Variants in PKP3 observed in about 807,000 individuals in gnomAD.
PKP3 encodes plakophilin 3.
A neutral mutation model predicts 76.5 loss-of-function variants in PKP3; 66 were observed. That is an observed-to-expected ratio of 0.86 (90% confidence interval 0.71 to 1.06). The LOEUF is 1.06. Among genes scored for constraint, PKP3 ranks in the 50% least tolerant of loss-of-function variants. The pLI is 0.00. For synonymous variants in PKP3, 638 were observed against 516.5 expected (o/e 1.24, Z -3.19); for missense variants, 1,338 against 1,141.0 (o/e 1.17, Z -2.49).
rs200371913 is a variant in PKP3 at position 397,331 on chromosome 11, G to C, written c.830G>C (p.Arg277Pro). 84,043 of 1,571,554 alleles carry C rather than the reference G, an allele frequency of 0.053. 2,511 individuals are homozygous for C. Among genetic ancestry groups the C allele is most frequent in the Middle Eastern group, 0.075 (410 of 5,434 alleles). The change falls in exon 3 of 13, where the codon CGA becomes CCA. Residue 277 changes from arginine (R) to proline (P), a missense_variant. Coordinates refer to ENST00000331563, the MANE Select transcript of PKP3 (RefSeq NM_007183.4). ...VPGAVLEPVA[R>P]APSVRSLSLS... is the part of the protein sequence containing the mutation. ...GGGGCCGTCCTGGAGCCAGTGGCTCGAGCGCCATCTGTGCGCAGCCTCAGC... is the reference window on the plus strand; with the variant it reads ...GGGGCCGTCCTGGAGCCAGTGGCTCCAGCGCCATCTGTGCGCAGCCTCAGC...
upstream of PKP3, chr11:392,631 G>A: frequency 7.8e-7 from 1 of 1,286,240 alleles, no homozygotes; most frequent in South Asian, 1.2e-5. Flanking sequence ...GCCAGGGATG[G>A]AGTCCTGGAC....
chr11:404,671 G>T lies in PKP3; in HGVS notation c.*102G>T. On this transcript the variant is annotated 3_prime_UTR_variant, in exon 13 of 13. Coordinates refer to ENST00000331563, the MANE Select transcript of PKP3 (RefSeq NM_007183.4). This position sits in a 1 kb window ranked among gnomAD's most constrained non-coding sequence, Gnocchi z 4.2. ...CAGCCTGGAGGAGAAGGCTAATGAC[G>T]GAGGGGCCCCTCGCTGGGGCCCCTG... The T allele has an allele frequency of 8.3e-7, 1 of 1,209,140 alleles. No homozygotes were observed. Among genetic ancestry groups the T allele is most frequent in the Non-Finnish European group, 1.2e-6 (1 of 829,804 alleles). The allele number at this position is 1,209,140 out of a possible 1,614,324, so 74.9% of individuals were successfully genotyped here. A position where few individuals can be genotyped will look rare whatever the true frequency, so the allele number is the denominator to read the frequency against.
upstream of PKP3, chr11:392,667 G>A (rs1420652074): frequency 7.8e-7 from 1 of 1,286,978 alleles, no homozygotes. Context: ...AGTGGCCTCT[G>A]GGATGAGCTG....
At chr11:398,146 C>T (rs1295828525) in intron 4 of PKP3, among the ~76,000 whole-genome samples, 2 of 75,364 alleles carry the variant, frequency 2.7e-5, no homozygotes, top group African/African-American at 1.2e-4. Context: ...TACCTCATCA[C>T]CTCCGTACAC....
At chr11:394,716 C>A (rs1297156961) in intron 1 of PKP3, among the ~76,000 whole-genome samples, 192 bp downstream of exon 1, 1 of 152,216 alleles carries the variant, frequency 6.6e-6, no homozygotes, top group Non-Finnish European at 1.5e-5. Context: ...AGCAGGGACC[C>A]CGGGGTCCTC....
upstream of PKP3, chr11:394,000 C>T (rs1469744296): frequency 1.0e-5 from 4 of 385,026 alleles, no homozygotes; most frequent in Non-Finnish European, 1.4e-5. Flanking sequence ...TCCCCGTGGC[C>T]CTGTTGTGGG....
At position 404,272 on chromosome 11, in the gene PKP3, C is replaced by T. The variant is rs1447136826; in HGVS notation, c.2307C>T (p.Ser769=). The T allele has an allele frequency of 2.5e-6, 4 of 1,612,682 alleles. No homozygotes were observed. The highest frequency in any genetic ancestry group is 2.2e-5 in the East Asian group (1 of 44,882). Residue 769 remains serine, a synonymous_variant, in exon 12 of 13, where the codon AGC becomes AGT. Transcript: ENST00000331563. This position sits in a 1 kb window ranked among gnomAD's most constrained non-coding sequence, Gnocchi z 4.2. ...AGAAGTCCTCCCGGGCAGCATCCAG[C>T]CTCCTGGCCAACCTGTGGCAGTACA... ...DSEKSSRAAS[S]LLANLWQYNK...
At position 404,173 on chromosome 11, in the gene PKP3, G is replaced by A. The variant is rs752189752; in HGVS notation, c.2270+38G>A. On this transcript the variant is annotated intron_variant, in intron 11 of 12. Transcript: ENST00000331563. This position sits in a 1 kb window ranked among gnomAD's most constrained non-coding sequence, Gnocchi z 4.2. ...CCAGCCGTGCAGCAGCCTGGTCAGG[G>A]GTCCTCCCAGTCCACCCTGCTTTCT... The A allele has an allele frequency of 3.7e-6, 6 of 1,608,250 alleles. No individual in the cohort carries two copies. The highest frequency in any genetic ancestry group is 1.7e-5 in the Admixed American group (1 of 59,886).
In PKP3 at chr11:394,349, C is replaced by G. The variant is rs1317632182; in HGVS notation, c.57C>G (p.Ser19=). Residue 19 remains serine, a synonymous_variant, in exon 1 of 13, where the codon TCC becomes TCG. Coordinates refer to ENST00000331563, the MANE Select transcript of PKP3 (RefSeq NM_007183.4). The stretch of plus-strand genomic sequence containing the variant: ...TGCAGCCTGAGGCCGGCGTGTGCTC[C>G]CTGGCGCTGCCCTCTGACCTGCAGC... The part of the protein sequence containing the change: ...SALQPEAGVC[S]LALPSDLQLD... The G allele has an allele frequency of 2.0e-6, 3 of 1,513,478 alleles. No homozygotes were observed. In the South Asian group the frequency reaches 3.6e-5, roughly 18 times the overall value. 93.8% of individuals were successfully genotyped at this position (1,513,478 alleles called of 1,614,324 possible).
intron 9 of PKP3, 68 bp downstream of exon 9, chr11:403,331 G>A (rs1847190372): frequency 1.6e-6 from 2 of 1,266,204 alleles, no homozygotes; most frequent in South Asian, 2.7e-5. Context: ...GACAGAGGAG[G>A]GAGAGGGAGG....
Position 400,800 on chromosome 11 carries a change from C to A in PKP3, c.1737+95C>A, listed in dbSNP as rs1195497474. On this transcript the variant is annotated intron_variant, in intron 8 of 12. Transcript: ENST00000331563. Reference sequence around the variant, plus strand: ...CACCCCCGCCCCGCTCACCCCCGCCCCGCTCACCCCGCCCCGCTCACCCCG... The same window carrying A: ...CACCCCCGCCCCGCTCACCCCCGCCACGCTCACCCCGCCCCGCTCACCCCG... 1.0e-4 allele frequency: 58 copies of A among 565,328 alleles called. 1 individual carries two copies. The highest frequency in any genetic ancestry group is 1.3e-4 in the Non-Finnish European group (57 of 427,486). 35.0% of individuals were successfully genotyped at this position (565,328 alleles called of 1,614,324 possible).
chr11:403,368 C>T (rs1047320708), intron 9 of PKP3, 105 bp downstream of exon 9: 17 of 1,029,072 alleles, frequency 1.7e-5, no homozygotes, highest in South Asian at 3.3e-5. Context: ...GCCCAGGGTC[C>T]GCGGAGCCTC....
At position 395,470 on chromosome 11, in the gene PKP3, G is replaced by A. The variant is rs1443380728; in HGVS notation, c.232+946G>A. The stretch of plus-strand genomic sequence containing the variant: ...CCTCAGCCTTGCTGGTGACCAAGTC[G>A]GGTGCCCAGGGGTCATGGGGTGGAG... On this transcript the variant is annotated intron_variant, in intron 1 of 12. Coordinates refer to ENST00000331563, the MANE Select transcript of PKP3 (RefSeq NM_007183.4). Among the ~76,000 whole-genome samples, 5 of 152,180 alleles carry A rather than the reference G, an allele frequency of 3.3e-5. No homozygotes were observed. In the South Asian group the frequency reaches 6.2e-4, roughly 19 times the overall value.
In PKP3 at chr11:396,694, G is replaced by A. The variant is rs557800083; in HGVS notation, c.312+7G>A. On this transcript the variant is annotated splice_region_variant and intron_variant, in intron 2 of 12. Coordinates refer to ENST00000331563, the MANE Select transcript of PKP3 (RefSeq NM_007183.4). ...GAGTGGGGACAAGACCTCGGTGAGC[G>A]ATGGGCCCAGCCCGAGGGGGACGAT... is the stretch of plus-strand genomic sequence containing the variant. The A allele has an allele frequency of 2.5e-5, 40 of 1,608,046 alleles. No individual in the cohort carries two copies. The highest frequency in any genetic ancestry group is 6.7e-5 in the East Asian group (3 of 44,840).
In PKP3 at chr11:394,465, G is replaced by T; in HGVS notation, c.173G>T (p.Gly58Val). The change falls in exon 1 of 13, where the codon GGA becomes GTA. Residue 58 changes from glycine (G) to valine (V), a missense_variant. Transcript: ENST00000331563. ...EQVRARLLQL[G>V]QQPRHNGAAE... is the part of the protein sequence containing the mutation. The stretch of plus-strand genomic sequence containing the variant: ...GTCCGCGCCCGCCTCTTGCAGCTGG[G>T]ACAGCAGCCGCGGCACAACGGGGCC... 9.7e-6 allele frequency: 14 copies of T among 1,440,942 alleles called. No individual in the cohort carries two copies. The highest frequency in any genetic ancestry group is 1.3e-5 in the Non-Finnish European group (14 of 1,103,828). 89.3% of individuals were successfully genotyped at this position (1,440,942 alleles called of 1,614,324 possible). A position where few individuals can be genotyped will look rare whatever the true frequency, so the allele number is the denominator to read the frequency against.
In PKP3 at chr11:396,950, G is replaced by A. The variant is rs778679779; in HGVS notation, c.449G>A (p.Gly150Asp). ...GSAFGAAGYG[G>D]AQPTPPMPTR... ...GCCTTTGGGGCCGCTGGGTACGGGG[G>A]TGCCCAGCCCACCCCTCCCATGCCC... The change falls in exon 3 of 13, where the codon GGT becomes GAT. Residue 150 changes from glycine (G) to aspartate (D), a missense_variant. Gly to Asp is a moderately conservative substitution (Grantham distance 94). Coordinates refer to ENST00000331563, the MANE Select transcript of PKP3 (RefSeq NM_007183.4). 1.9e-6 allele frequency: 3 copies of A among 1,597,122 alleles called. No individual in the cohort carries two copies. The highest frequency in any genetic ancestry group is 1.7e-5 in the Admixed American group (1 of 59,298).
rs768065681 is a variant in PKP3, at chr11:404,100, C to T, written c.2235C>T (p.Leu745=). The T allele has an allele frequency of 6.2e-7, 1 of 1,611,668 alleles. No individual in the cohort carries two copies. The highest frequency in any genetic ancestry group is 1.7e-5 in the Admixed American group (1 of 59,906). The change falls in exon 11 of 13, where the codon CTC becomes CTT. Residue 745 remains leucine, a synonymous_variant. Coordinates refer to ENST00000331563, the MANE Select transcript of PKP3 (RefSeq NM_007183.4). This position sits in a 1 kb window ranked among gnomAD's most constrained non-coding sequence, Gnocchi z 4.2. ...GAGACCTGCTGTATTTTGACGGACT[C>T]CGAAAGCTCATCTTCATCAAGAAGA... ...AARDLLYFDG[L]RKLIFIKKKR... is the part of the protein sequence containing the mutation.
intron 1 of PKP3, among the ~76,000 whole-genome samples, chr11:395,846 G>A (rs949615599): frequency 1.3e-5 from 2 of 152,126 alleles, no homozygotes; most frequent in Non-Finnish European, 2.9e-5. Context: ...ACCCATCCAC[G>A]AGTCCATCCC....
intron 3 of PKP3, 22 bp from the exon 4 acceptor site, chr11:397,517 C>T (rs755642381): frequency 1.2e-6 from 2 of 1,612,128 alleles, no homozygotes; most frequent in African/African-American, 1.3e-5. Context: ...GTTAGCCTGA[C>T]CCCTGACCCC....
Sources: allele counts gnomAD v4.1 joint callset (sites outside exome capture counted in the v4.1 genomes callset), GRCh38; gene constraint gnomAD v4.1.1; non-coding constraint Gnocchi (gnomAD v3.1); transcripts MANE v1.5; gene names NCBI Gene and HGNC (gene_info 2026-07-23, HGNC 2026-07-21).